CACNA1C: variants seen among roughly 807,000 people sequenced by gnomAD.
CACNA1C encodes the protein voltage-dependent L-type calcium channel subunit alpha-1C.
In CACNA1C, 30 loss-of-function variants were observed where a neutral mutation model predicts 229.0. The observed-to-expected ratio is 0.13, with a 90% CI of 0.10 to 0.18. CACNA1C has a LOEUF of 0.18. Ranked by LOEUF, CACNA1C falls within the 10% of genes least tolerant of loss-of-function variation. The pLI, the probability that CACNA1C is intolerant of heterozygous loss-of-function variation, is 1.00. For missense variants in CACNA1C, 1,658 were observed against 2,845.0 expected, an observed-to-expected ratio of 0.58 and a Z score of 9.49; for synonymous variants, 1,114 against 1,132.5, an observed-to-expected ratio of 0.98 and a Z score of 0.33.
intron 3 of CACNA1C, among the ~76,000 whole-genome samples, chr12:2,135,262 G>T (rs542977048): frequency 6.9e-6 from 1 of 144,930 alleles, no homozygotes; most frequent in Non-Finnish European, 1.5e-5. Flanking sequence ...GTGTCCTCCC[G>T]TAGCTCAGAG....
rs76494369 is a variant in CACNA1C at position 2,123,525 on chromosome 12, C to T, written c.477+3095C>T. ...GGCGGGCAGTGACAATTATATGTGC[C>T]AGGATGTCTTGCCAATACCTCAAAC... On this transcript the variant is annotated intron_variant, in intron 3 of 46. Transcript: ENST00000399655. Among the ~76,000 whole-genome samples, 139 of 152,186 alleles carry T rather than the reference C, an allele frequency of 9.1e-4. 1 individual carries two copies. The East Asian group carries it at 0.026, about 28-fold the overall frequency.
intron 3 of CACNA1C, among the ~76,000 whole-genome samples, chr12:2,376,812 A>G (rs1040136816): frequency 6.6e-6 from 1 of 152,080 alleles, no homozygotes; most frequent in Admixed American, 6.5e-5. Context: ...CTGCACAGAA[A>G]ACCCCCCACC....
chr12:2,384,522 G>T (rs2098333427), intron 3 of CACNA1C, among the ~76,000 whole-genome samples: 1 of 152,180 alleles, frequency 6.6e-6, no homozygotes, highest in Non-Finnish European at 1.5e-5. Flanking sequence ...CCCATGGTCA[G>T]TCTCTCCAGT....
intron 9 of CACNA1C, among the ~76,000 whole-genome samples, chr12:2,530,950 C>T (rs556840944): frequency 1.8e-3 from 273 of 152,340 alleles, no homozygotes; most frequent in South Asian, 3.7e-3. Flanking sequence ...GACCTTTAGA[C>T]GCACAGCAAG....
intron 6 of CACNA1C, among the ~76,000 whole-genome samples, chr12:2,491,638 GGAGGAGGAGGAGGAA>G (rs1054007339): frequency 6.8e-6 from 1 of 147,596 alleles, no homozygotes; most frequent in African/African-American, 2.6e-5. Context: ...AGAAGAAGGA[GGAGGAGGAGGAGGAA>G]GAGGAGGAGG....
chr12:2,517,061 G>A (rs2099798421), intron 9 of CACNA1C, among the ~76,000 whole-genome samples: 1 of 152,230 alleles, frequency 6.6e-6, no homozygotes, highest in Admixed American at 6.5e-5. Context: ...GCAAAGGAAG[G>A]GGTGTGAGCG....
At chr12:2,680,666 A>T in intron 42 of CACNA1C, 1 of 1,128,860 alleles carries the variant, frequency 8.9e-7, no homozygotes, top group Non-Finnish European at 1.3e-6. Flanking sequence ...TCCAAGGAGC[A>T]GGCACACCTG....
intron 2 of CACNA1C, among the ~76,000 whole-genome samples, chr12:2,117,660 G>T (rs1313844254): frequency 6.6e-6 from 1 of 152,264 alleles, no homozygotes; most frequent in African/African-American, 2.4e-5. Context: ...GTAGGACTAG[G>T]CAGGTACTAG....
intron 13 of CACNA1C, among the ~76,000 whole-genome samples, chr12:2,572,333 CT>C (rs2055195853): frequency 1.6e-5 from 1 of 64,438 alleles, no homozygotes. Flanking sequence ...CCTCCTCCTT[CT>C]CTTCTTCCTC....
At position 2,636,919 on chromosome 12, in the gene CACNA1C, C is replaced by G. The variant is rs2092801493; in HGVS notation, c.3912+2539C>G. Among the ~76,000 whole-genome samples the G allele has an allele frequency of 1.3e-5, 2 of 152,212 alleles. 1 individual carries two copies. Among genetic ancestry groups the G allele is most frequent in the South Asian group, 4.1e-4 (2 of 4,824 alleles). On this transcript the variant is annotated intron_variant, in intron 30 of 46. Transcript: ENST00000399655. ...TGAGGCATTTGTGGCTTTGAAGTCC[C>G]ACTGAAGGATTGTCGGGGGACAGGG...
chr12:2,558,531 A>T (rs951461878), intron 11 of CACNA1C, among the ~76,000 whole-genome samples: 2 of 152,204 alleles, frequency 1.3e-5, no homozygotes, highest in African/African-American at 2.4e-5. Context: ...GCTAGAGGAG[A>T]CAGCAGCCCT....
At chr12:2,487,559 T>C (rs914784174) in intron 6 of CACNA1C, among the ~76,000 whole-genome samples, 5 of 151,438 alleles carry the variant, frequency 3.3e-5, no homozygotes, top group African/African-American at 1.2e-4. Flanking sequence ...CGTATACTCC[T>C]ATAGACACAG....
chr12:2,094,903 C>T (rs2073156828), intron 1 of CACNA1C, among the ~76,000 whole-genome samples: 1 of 152,180 alleles, frequency 6.6e-6, no homozygotes, highest in African/African-American at 2.4e-5. Flanking sequence ...AGGGGCTCAA[C>T]CCCCTTTAAC....
chr12:2,019,169 A>G (rs2045939019), intron 1 of CACNA1C, among the ~76,000 whole-genome samples: 1 of 152,110 alleles, frequency 6.6e-6, no homozygotes, highest in Admixed American at 6.5e-5. Flanking sequence ...AGGATTAGAA[A>G]TGGAATCTGG....
At chr12:2,485,682 A>G (rs556483113) in intron 5 of CACNA1C, among the ~76,000 whole-genome samples, 24 of 152,158 alleles carry the variant, frequency 1.6e-4, no homozygotes, top group African/African-American at 5.5e-4. Context: ...ACTTTTTCCA[A>G]TCCCACCATG....
intron 3 of CACNA1C, among the ~76,000 whole-genome samples, chr12:2,216,887 A>G (rs1321635322): frequency 2.0e-5 from 3 of 152,258 alleles, no homozygotes; most frequent in Non-Finnish European, 4.4e-5. Context: ...TTTAATTCAC[A>G]GCGGCACATT....
In CACNA1C at chr12:2,693,022, T is replaced by A. The variant is rs2097803940; in HGVS notation, c.*1823T>A. ...CTTTAGTTTGCACAATGAGCAAAGG[T>A]ATCACCAGTGTAGTCATTATTCTGC... is the stretch of plus-strand genomic sequence containing the variant. On this transcript the variant is annotated 3_prime_UTR_variant, in exon 47 of 47. Transcript: ENST00000399655. The A allele has an allele frequency of 1.3e-5, 2 of 152,642 alleles. No individual in the cohort carries two copies. Among genetic ancestry groups the A allele is most frequent in the Non-Finnish European group, 2.9e-5 (2 of 68,034 alleles). 9.5% of individuals were successfully genotyped at this position (152,642 alleles called of 1,614,324 possible).
At chr12:2,005,318 T>A (rs566251344) in intron 1 of CACNA1C, among the ~76,000 whole-genome samples, 1 of 152,070 alleles carries the variant, frequency 6.6e-6, no homozygotes, top group South Asian at 2.1e-4. Flanking sequence ...AAATGAAGTG[T>A]GTCATATTTG....
chr12:2,509,592 T>G (rs905355894), intron 8 of CACNA1C, among the ~76,000 whole-genome samples: 3 of 152,194 alleles, frequency 2.0e-5, no homozygotes, highest in Non-Finnish European at 4.4e-5. Context: ...CGCACCTGCG[T>G]GAAGCTTATT....
Sources: gnomAD v4.1 joint callset for allele counts (sites outside exome capture counted in the v4.1 genomes callset) on GRCh38, gnomAD v4.1.1 for gene constraint, MANE v1.5 for transcripts, NCBI Gene and HGNC (gene_info 2026-07-23, HGNC 2026-07-21) for gene names.